The following VKORC1L1 variants were observed in gnomAD, a reference collection of about 807,000 sequenced individuals.
The protein encoded by VKORC1L1 is vitamin K epoxide reductase complex subunit 1L1, also known as vitamin K epoxide reductase complex subunit 1-like protein 1.
VKORC1L1 carries 2 observed loss-of-function variants against 18.9 expected under a neutral mutation model. The ratio of observed to expected loss-of-function variants is 0.11; its 90% CI spans 0.04 to 0.33. The LOEUF (loss-of-function observed/expected upper bound fraction) is 0.33, where lower values mean the gene tolerates loss of function less well. Among genes scored for constraint, VKORC1L1 ranks in the 10% least tolerant of loss-of-function variants. The pLI is 1.00. For missense variants in VKORC1L1, 123 were observed against 224.1 expected (o/e 0.55, Z 2.88); for synonymous variants, 96 against 100.0 (o/e 0.96, Z 0.24).
chr7:65,921,536 C>G (rs1434593072), intron 1 of VKORC1L1, among the ~76,000 whole-genome samples: 3 of 152,070 alleles, frequency 2.0e-5, no homozygotes, highest in Non-Finnish European at 4.4e-5. Flanking sequence ...CAGGTGCGTG[C>G]CACCATGCTC....
At chr7:65,938,275 A>G (rs1322145490) in intron 1 of VKORC1L1, among the ~76,000 whole-genome samples, 1 of 152,236 alleles carries the variant, frequency 6.6e-6, no homozygotes, top group Non-Finnish European at 1.5e-5. Flanking sequence ...TCAGAGACTA[A>G]GAGAGAACAC....
chr7:65,876,609 C>G (rs1788831441), intron 1 of VKORC1L1, among the ~76,000 whole-genome samples: 1 of 152,108 alleles, frequency 6.6e-6, no homozygotes, highest in Non-Finnish European at 1.5e-5. Flanking sequence ...AGCTAACATT[C>G]AGTTAGCAGT....
chr7:65,918,388 G>A (rs1789622494), intron 1 of VKORC1L1, among the ~76,000 whole-genome samples: 1 of 152,230 alleles, frequency 6.6e-6, no homozygotes, highest in South Asian at 2.1e-4. Context: ...ATTAAGCAAA[G>A]GCATTCGTAT....
At chr7:65,902,287 G>A (rs1326421149) in intron 1 of VKORC1L1, among the ~76,000 whole-genome samples, 1 of 152,110 alleles carries the variant, frequency 6.6e-6, no homozygotes, top group Non-Finnish European at 1.5e-5. Context: ...TAGAGGAAAT[G>A]GTTAACATAA....
intron 1 of VKORC1L1, among the ~76,000 whole-genome samples, chr7:65,930,714 G>T (rs1434337061): frequency 1.3e-5 from 2 of 151,918 alleles, no homozygotes; most frequent in African/African-American, 4.8e-5. Context: ...GTATGCCTTT[G>T]ATTTTTTTTT....
intron 1 of VKORC1L1, among the ~76,000 whole-genome samples, chr7:65,874,635 G>A (rs1402948799): frequency 2.6e-5 from 4 of 151,814 alleles, no homozygotes; most frequent in East Asian, 3.9e-4. Context: ...GTGAAACCCC[G>A]TCTCTACCAA....
chr7:65,866,775 C>T, the VKORC1L1 span, among the ~76,000 whole-genome samples: 4 of 151,846 alleles, frequency 2.6e-5, no homozygotes, highest in Admixed American at 2.0e-4. Flanking sequence ...CAATTGGGTA[C>T]GGTGGCATGC....
At chr7:65,914,201 C>T (rs943934877) in intron 1 of VKORC1L1, among the ~76,000 whole-genome samples, 1 of 152,134 alleles carries the variant, frequency 6.6e-6, no homozygotes, top group African/African-American at 2.4e-5. Flanking sequence ...TCAAGCGATC[C>T]TCCCACCTCA....
At chr7:65,888,381 T>G (rs1310350136) in intron 1 of VKORC1L1, among the ~76,000 whole-genome samples, 1 of 152,190 alleles carries the variant, frequency 6.6e-6, no homozygotes, top group African/African-American at 2.4e-5. Flanking sequence ...AAATGTTGTT[T>G]TTTTGGAATC....
chr7:65,895,885 A>C (rs1436878567), intron 1 of VKORC1L1, among the ~76,000 whole-genome samples: 2 of 145,428 alleles, frequency 1.4e-5, no homozygotes, highest in Non-Finnish European at 3.0e-5. Context: ...CTATCTTGCT[A>C]TCTCACTTCT....
intron 1 of VKORC1L1, among the ~76,000 whole-genome samples, chr7:65,934,699 C>T (rs1789912445): frequency 6.6e-6 from 1 of 152,058 alleles, no homozygotes; most frequent in Non-Finnish European, 1.5e-5. Flanking sequence ...TCACCAATGA[C>T]AGAATTTCTC....
chr7:65,911,006 C>T (rs1583842803), intron 1 of VKORC1L1, among the ~76,000 whole-genome samples: 1 of 152,168 alleles, frequency 6.6e-6, no homozygotes, highest in Non-Finnish European at 1.5e-5. Flanking sequence ...TATATCTCTT[C>T]AGTTAACACA....
rs1790344003 is a variant in VKORC1L1, at chr7:65,958,802, T to G, written c.*4502T>G. Reference sequence around the variant, plus strand: ...TTGTCAAGAATTAATGACAAAAATGTGTCACTGCCTACAGTTCTGTGAACA... The same window carrying G: ...TTGTCAAGAATTAATGACAAAAATGGGTCACTGCCTACAGTTCTGTGAACA... On this transcript the variant is annotated 3_prime_UTR_variant, in exon 3 of 3. Coordinates refer to ENST00000360768, the MANE Select transcript of VKORC1L1 (RefSeq NM_173517.6). The G allele has an allele frequency of 6.6e-6, 1 of 152,064 alleles. No individual in the cohort carries two copies. Among genetic ancestry groups the G allele is most frequent in the Non-Finnish European group, 1.5e-5 (1 of 67,936 alleles). 9.4% of individuals were successfully genotyped at this position (152,064 alleles called of 1,614,324 possible).
chr7:65,925,961 AT>A (rs987287489), intron 1 of VKORC1L1, among the ~76,000 whole-genome samples: 5 of 151,896 alleles, frequency 3.3e-5, no homozygotes, highest in African/African-American at 4.8e-5. Context: ...TGAGAGAAAT[AT>A]TTTTTTCTAG....
chr7:65,888,614 C>A (rs1258460965), intron 1 of VKORC1L1, among the ~76,000 whole-genome samples: 1 of 152,148 alleles, frequency 6.6e-6, no homozygotes, highest in East Asian at 1.9e-4. Context: ...TTGGCCCTGT[C>A]TCTCCCTTAC....
chr7:65,874,058 C>G (rs1788782573), intron 1 of VKORC1L1, among the ~76,000 whole-genome samples: 1 of 152,226 alleles, frequency 6.6e-6, no homozygotes, highest in South Asian at 2.1e-4. Flanking sequence ...GGGGGGTTGC[C>G]TTTCCCACTG....
rs752400560 is a variant in VKORC1L1, at chr7:65,958,767, G to A, written c.*4467G>A. On this transcript the variant is annotated 3_prime_UTR_variant, in exon 3 of 3. Coordinates refer to ENST00000360768, the MANE Select transcript of VKORC1L1 (RefSeq NM_173517.6). ...TTCTTGGAATTCCTGTAGGTTTACG[G>A]TGTATGTGATTGTCAAGAATTAATG... 2.0e-5 allele frequency: 3 copies of A among 152,148 alleles called. No homozygotes were observed. The highest frequency in any genetic ancestry group is 2.9e-5 in the Non-Finnish European group (2 of 68,024). The allele number at this position is 152,148 out of a possible 1,614,324, so 9.4% of individuals were successfully genotyped here. A position where few individuals can be genotyped will look rare whatever the true frequency, so the allele number is the denominator to read the frequency against.
chr7:65,874,817 T>A (rs989358133), intron 1 of VKORC1L1, among the ~76,000 whole-genome samples: 1 of 151,818 alleles, frequency 6.6e-6, no homozygotes, highest in African/African-American at 2.4e-5. Context: ...AATAAATAAA[T>A]AAAATATAAA....
At chr7:65,937,166 C>T (rs756313100) in intron 1 of VKORC1L1, among the ~76,000 whole-genome samples, 1 of 152,138 alleles carries the variant, frequency 6.6e-6, no homozygotes, top group South Asian at 2.1e-4. Context: ...ACACACCTTA[C>T]CCCTTGGGCA....
Sources: gnomAD v4.1 joint callset for allele counts (sites outside exome capture counted in the v4.1 genomes callset) on GRCh38, gnomAD v4.1.1 for gene constraint, MANE v1.5 for transcripts, NCBI Gene and HGNC (gene_info 2026-07-23, HGNC 2026-07-21) for gene names.